The following PLXNC1 variants were observed in gnomAD, a reference collection of about 807,000 sequenced individuals.
PLXNC1 encodes the protein plexin C1, also known as plexin-C1.
Under a neutral mutation model 178.2 loss-of-function variants are expected in PLXNC1, and 75 were observed. The ratio of observed to expected loss-of-function variants is 0.42; its 90% CI spans 0.35 to 0.51. PLXNC1 has a LOEUF of 0.51. PLXNC1 is among the 20% of genes least tolerant of loss of function. The probability of loss-of-function intolerance (pLI) is 0.02; values close to 1 mark genes in which losing one functional copy is unlikely to be tolerated. For synonymous variants in PLXNC1, 790 were observed against 779.9 expected (o/e 1.01, Z -0.22); for missense variants, 1,503 against 1,984.4 (o/e 0.76, Z 4.61).
chr12:94,158,857 TCCGGAGC>T (rs1282540691), intron 1 of PLXNC1, among the ~76,000 whole-genome samples: 4 of 152,162 alleles, frequency 2.6e-5, no homozygotes, highest in African/African-American at 9.7e-5. Context: ...GTTGGGAGTT[TCCGGAGC>T]CCTACAACTT....
chr12:94,301,159 C>A, intron 28 of PLXNC1, 102 bp downstream of exon 28: 2 of 937,572 alleles, frequency 2.1e-6, no homozygotes, highest in Non-Finnish European at 3.1e-6. Flanking sequence ...CTAAACTACA[C>A]CAGCTAAAAA....
chr12:94,257,502 G>A (rs1274307009), intron 17 of PLXNC1, among the ~76,000 whole-genome samples: 1 of 152,160 alleles, frequency 6.6e-6, no homozygotes, highest in Admixed American at 6.5e-5. Flanking sequence ...GTCCAGGCGC[G>A]GTGGCTCAAG....
At chr12:94,222,965 TG>T (rs1963837182) in intron 6 of PLXNC1, among the ~76,000 whole-genome samples, 1 of 152,256 alleles carries the variant, frequency 6.6e-6, no homozygotes, top group African/African-American at 2.4e-5. Flanking sequence ...TGTGGAATTC[TG>T]ACTTTCAGAG....
At chr12:94,153,556 G>C (rs982206721) in intron 1 of PLXNC1, among the ~76,000 whole-genome samples, 13 of 152,196 alleles carry the variant, frequency 8.5e-5, no homozygotes, top group African/African-American at 3.1e-4. Context: ...GAAAGTGTTT[G>C]TGTTCGAGTT....
intron 21 of PLXNC1, among the ~76,000 whole-genome samples, chr12:94,266,899 C>T (rs958168023): frequency 5.3e-5 from 8 of 152,166 alleles, no homozygotes; most frequent in Admixed American, 1.3e-4. Flanking sequence ...TACCAGTGCC[C>T]GGGCTTTCCC....
At chr12:94,249,814 A>G (rs958929467) in intron 14 of PLXNC1, among the ~76,000 whole-genome samples, 2 of 151,652 alleles carry the variant, frequency 1.3e-5, no homozygotes, top group Non-Finnish European at 1.5e-5. Flanking sequence ...ACAGAGAATA[A>G]AACAGACAAA....
intron 9 of PLXNC1, among the ~76,000 whole-genome samples, chr12:94,227,774 G>T (rs549949143): frequency 6.6e-6 from 1 of 152,118 alleles, no homozygotes; most frequent in Non-Finnish European, 1.5e-5. Context: ...GGAAATGCCC[G>T]TTATTTTCTT....
chr12:94,186,682 C>A, intron 4 of PLXNC1: 1 of 498,162 alleles, frequency 2.0e-6, no homozygotes, highest in Non-Finnish European at 3.7e-6. Context: ...CGGGAGCTCC[C>A]CAGTCTCGGG....
rs74810115 is a variant in PLXNC1, at chr12:94,163,448, C to T, written c.1063-5705C>T. Among the ~76,000 whole-genome samples, 1,392 of 152,048 alleles carry T rather than the reference C, an allele frequency of 9.2e-3. 20 individuals are homozygous for T. Among genetic ancestry groups the T allele is most frequent in the African/African-American group, 0.031 (1,266 of 41,452 alleles). ...CTTTTGTAAATTATTTGAGTCAGGT[C>T]GTCTTTTTATAAGTAATTGACTGAA... On this transcript the variant is annotated intron_variant, in intron 1 of 30. Transcript: ENST00000258526.
At chr12:94,283,913 G>T (rs769921014) in intron 23 of PLXNC1, among the ~76,000 whole-genome samples, 2 of 152,002 alleles carry the variant, frequency 1.3e-5, no homozygotes, top group African/African-American at 4.8e-5. Context: ...GTAAAACGCT[G>T]TCTCTAAAAA....
chr12:94,259,645 A>G lies in PLXNC1; in HGVS notation c.3162A>G (p.Thr1054=), dbSNP rs1385647724. 2 of 1,611,032 alleles carry G rather than the reference A, an allele frequency of 1.2e-6. No homozygotes were observed. The highest frequency in any genetic ancestry group is 1.7e-6 in the Non-Finnish European group (2 of 1,178,188). Residue 1054 remains threonine (T), a synonymous_variant, in exon 19 of 31, where the codon ACA becomes ACG. Coordinates refer to ENST00000258526, the MANE Select transcript of PLXNC1 (RefSeq NM_005761.3). The part of the protein sequence containing the change: ...RDANDKNESL[T]ALDALICNKS... The stretch of plus-strand genomic sequence containing the variant: ...CCAACGACAAGAATGAAAGTCTCAC[A>G]GCTTTGGATGCCCTAATCTGTAATA...
chr12:94,244,706 C>T (rs1964480952), intron 12 of PLXNC1, among the ~76,000 whole-genome samples: 1 of 152,176 alleles, frequency 6.6e-6, no homozygotes, highest in Admixed American at 6.5e-5. Flanking sequence ...CCAACACTAA[C>T]GATAGCTAAT....
intron 4 of PLXNC1, among the ~76,000 whole-genome samples, chr12:94,187,190 G>GA (rs775035304): frequency 9.4e-5 from 8 of 85,118 alleles, no homozygotes; most frequent in Admixed American, 1.4e-4. Context: ...GAGAGAGAGA[G>GA]AGAAAAAAAA....
chr12:94,274,211 A>C (rs1965776620), intron 21 of PLXNC1, among the ~76,000 whole-genome samples: 1 of 146,502 alleles, frequency 6.8e-6, no homozygotes, highest in South Asian at 2.2e-4. Flanking sequence ...GGCAGTGTGC[A>C]CCTGTAGTCT....
chr12:94,257,308 G>A (rs763859715), intron 17 of PLXNC1, among the ~76,000 whole-genome samples: 53 of 152,214 alleles, frequency 3.5e-4, no homozygotes, highest in Admixed American at 3.2e-3. Context: ...GTTCTCAAAG[G>A]AGGCCAGGGT....
rs2035202817 is a variant in PLXNC1, at chr12:94,262,659, G to A, written c.3450+1819G>A. On this transcript the variant is annotated intron_variant, in intron 20 of 30. Coordinates refer to ENST00000258526, the MANE Select transcript of PLXNC1 (RefSeq NM_005761.3). ...ATTCCCGCTGGTGCAGGGGTCTGAT[G>A]TCCCTCCACCAGGTGCTCAAGGGGG... 3.0e-5 allele frequency: 30 copies of A among 985,404 alleles called. No individual in the cohort carries two copies. In the South Asian group the frequency reaches 1.3e-3, roughly 43 times the overall value. The allele number at this position is 985,404 out of a possible 1,614,324, so 61.0% of individuals were successfully genotyped here.
At chr12:94,257,500 G>T (rs1174837786) in intron 17 of PLXNC1, among the ~76,000 whole-genome samples, 1 of 152,286 alleles carries the variant, frequency 6.6e-6, no homozygotes, top group East Asian at 1.9e-4. Flanking sequence ...GGGTCCAGGC[G>T]CGGTGGCTCA....
At chr12:94,247,820 G>A in intron 12 of PLXNC1, 83 bp from the exon 13 acceptor site, 2 of 1,238,168 alleles carry the variant, frequency 1.6e-6, no homozygotes, top group African/African-American at 1.5e-5. Flanking sequence ...AAGAAGTTAA[G>A]TTGCTCAGGT....
intron 14 of PLXNC1, among the ~76,000 whole-genome samples, chr12:94,248,843 T>A (rs1964601479): frequency 6.6e-6 from 1 of 152,188 alleles, no homozygotes; most frequent in South Asian, 2.1e-4. Context: ...GGAGACCAGA[T>A]AATCTCTGGG....
Sources: allele counts gnomAD v4.1 joint callset (sites outside exome capture counted in the v4.1 genomes callset), GRCh38; gene constraint gnomAD v4.1.1; transcripts MANE v1.5; gene names NCBI Gene and HGNC (gene_info 2026-07-23, HGNC 2026-07-21).